Variants in KCNT2 observed in about 807,000 individuals in gnomAD.
The protein encoded by KCNT2 is potassium channel subfamily T member 2.
A neutral mutation model predicts 153.8 loss-of-function variants in KCNT2; 67 were observed. The ratio of observed to expected loss-of-function variants is 0.44; its 90% confidence interval spans 0.36 to 0.53. The LOEUF is 0.53. KCNT2 is among the 20% of genes least tolerant of loss of function. The pLI, the probability that KCNT2 is intolerant of heterozygous loss-of-function variation, is 0.00. For missense variants in KCNT2, 975 were observed against 1,354.8 expected (o/e 0.72, Z 4.40); for synonymous variants, 500 against 458.8 (o/e 1.09, Z -1.15).
intron 1 of KCNT2, among the ~76,000 whole-genome samples, chr1:196,521,653 A>G (rs1031788785): frequency 6.6e-6 from 1 of 152,196 alleles, no homozygotes; most frequent in East Asian, 1.9e-4. Context: ...TTGGAGGAAC[A>G]TGAATGGAGC....
intron 1 of KCNT2, among the ~76,000 whole-genome samples, chr1:196,519,511 A>AT (rs138144832): frequency 3.3e-5 from 5 of 151,974 alleles, no homozygotes; most frequent in Non-Finnish European, 5.9e-5. Context: ...CTGGGGGTTA[A>AT]TTTTTTTAAA....
intron 1 of KCNT2, among the ~76,000 whole-genome samples, chr1:196,582,225 T>C (rs937232152): frequency 6.6e-6 from 1 of 152,002 alleles, no homozygotes; most frequent in Non-Finnish European, 1.5e-5. Flanking sequence ...TCTAGCTTTG[T>C]AATCACCAAC....
intron 8 of KCNT2, among the ~76,000 whole-genome samples, chr1:196,463,090 A>C (rs1677294519): frequency 6.6e-6 from 1 of 151,740 alleles, no homozygotes; most frequent in Non-Finnish European, 1.5e-5. Flanking sequence ...AACAAGATAT[A>C]AGGAAAATTA....
chr1:196,282,700 A>C (rs1404580507), intron 23 of KCNT2, among the ~76,000 whole-genome samples: 1 of 152,220 alleles, frequency 6.6e-6, no homozygotes, highest in Non-Finnish European at 1.5e-5. Flanking sequence ...ACTTGAAACA[A>C]TTAAAACAAA....
chr1:196,391,380 A>G (rs893707545), intron 13 of KCNT2, among the ~76,000 whole-genome samples: 2 of 151,536 alleles, frequency 1.3e-5, no homozygotes, highest in African/African-American at 4.8e-5. Flanking sequence ...CTTTTTCATA[A>G]GACATTTATA....
chr1:196,340,192 C>G, intron 16 of KCNT2, 149 bp downstream of exon 16: 2 of 556,438 alleles, frequency 3.6e-6, no homozygotes, highest in Admixed American at 3.4e-5. Flanking sequence ...GAACTGTTGT[C>G]CTGTATACCT....
intron 26 of KCNT2, among the ~76,000 whole-genome samples, chr1:196,253,900 G>A (rs1043757271): frequency 3.3e-5 from 5 of 151,352 alleles, no homozygotes; most frequent in Admixed American, 1.3e-4. Context: ...TCCTACACAT[G>A]TGCCAAAACA....
intron 26 of KCNT2, among the ~76,000 whole-genome samples, chr1:196,253,998 T>C (rs1449789291): frequency 1.3e-5 from 2 of 151,470 alleles, no homozygotes; most frequent in Admixed American, 6.6e-5. Flanking sequence ...ATTGGTGTCA[T>C]TGAAAAATTA....
At chr1:196,298,833 A>T (rs939692829) in intron 22 of KCNT2, among the ~76,000 whole-genome samples, 1 of 148,486 alleles carries the variant, frequency 6.7e-6, no homozygotes, top group Non-Finnish European at 1.5e-5. Context: ...ATAACAAAAG[A>T]CACTCCTATC....
At chr1:196,400,612 G>A (rs1206487124) in intron 12 of KCNT2, among the ~76,000 whole-genome samples, 1 of 151,248 alleles carries the variant, frequency 6.6e-6, no homozygotes, top group Non-Finnish European at 1.5e-5. Flanking sequence ...TATCATTAAG[G>A]ATAAAAGATA....
intron 1 of KCNT2, among the ~76,000 whole-genome samples, chr1:196,585,402 T>A (rs1490179408): frequency 6.6e-6 from 1 of 152,106 alleles, no homozygotes; most frequent in African/African-American, 2.4e-5. Flanking sequence ...ACGTTTCCTC[T>A]AAAGGTTTTC....
chr1:196,344,856 G>C (rs907800352), intron 14 of KCNT2, among the ~76,000 whole-genome samples: 2 of 151,966 alleles, frequency 1.3e-5, no homozygotes, highest in Non-Finnish European at 2.9e-5. Flanking sequence ...CTTTTTTTAG[G>C]ATGTCATTTC....
At chr1:196,403,909 T>C (rs142229440) in intron 12 of KCNT2, among the ~76,000 whole-genome samples, 4 of 151,786 alleles carry the variant, frequency 2.6e-5, no homozygotes, top group Non-Finnish European at 5.9e-5. Flanking sequence ...ATAATGGATG[T>C]GTGCAACTTA....
chr1:196,315,906 C>A lies in KCNT2; in HGVS notation c.2469G>T (p.Val823=), dbSNP rs755836866. The A allele has an allele frequency of 3.7e-6, 6 of 1,606,506 alleles. No individual in the cohort carries two copies. In the East Asian group the frequency reaches 1.1e-4, roughly 30 times the overall value. The change falls in exon 21 of 28, where the codon GTG becomes GTT. Residue 823 remains valine (V), a synonymous_variant. Transcript: ENST00000294725. The part of the protein sequence containing the change: ...YMADAKTIVN[V]QTLFRLFSSL... Reference sequence around the variant, plus strand: ...CAGCCACTTACCTGAAGAGTGTCTGCACGTTCACAATGGTTTTGGCATCTG... The same window carrying A: ...CAGCCACTTACCTGAAGAGTGTCTGAACGTTCACAATGGTTTTGGCATCTG...
chr1:196,385,831 A>C (rs1291096385), intron 13 of KCNT2, among the ~76,000 whole-genome samples: 1 of 151,648 alleles, frequency 6.6e-6, no homozygotes, highest in Non-Finnish European at 1.5e-5. Flanking sequence ...TGAAATGATA[A>C]TATAATCTGT....
Position 196,227,030 on chromosome 1 carries a change from T to C in KCNT2, c.*1194A>G, listed in dbSNP as rs1413720382. ...AAAATGAAAAACTGGATATCATCAA[T>C]GGTCAATTTATATTTAAATTTATAA... On this transcript the variant is annotated 3_prime_UTR_variant, in exon 28 of 28. Transcript: ENST00000294725. 1 of 151,988 alleles carries C rather than the reference T, an allele frequency of 6.6e-6. No individual in the cohort carries two copies. The highest frequency in any genetic ancestry group is 1.5e-5 in the Non-Finnish European group (1 of 67,854). The allele number at this position is 151,988 out of a possible 1,614,324, so 9.4% of individuals were successfully genotyped here.
intron 12 of KCNT2, 139 bp from the exon 13 acceptor site, chr1:196,398,810 G>A (rs7531235): frequency 0.018 from 8,740 of 496,832 alleles, 651 homozygotes; most frequent in African/African-American, 0.16. Context: ...ACTTGTTAAG[G>A]ATACCTATTA....
At chr1:196,254,364 A>T (rs918642304) in intron 26 of KCNT2, among the ~76,000 whole-genome samples, 5 of 151,540 alleles carry the variant, frequency 3.3e-5, no homozygotes, top group Non-Finnish European at 7.4e-5. Flanking sequence ...GCTAAATGAT[A>T]TATCTCAAAA....
intron 22 of KCNT2, among the ~76,000 whole-genome samples, chr1:196,303,511 T>C (rs1427120916): frequency 3.9e-5 from 6 of 152,144 alleles, no homozygotes; most frequent in African/African-American, 1.4e-4. Flanking sequence ...GTCAACTGAC[T>C]CGTCAACAAC....
Sources: allele counts gnomAD v4.1 joint callset (sites outside exome capture counted in the v4.1 genomes callset), GRCh38; gene constraint gnomAD v4.1.1; transcripts MANE v1.5; gene names NCBI Gene and HGNC (gene_info 2026-07-23, HGNC 2026-07-21).